The following NADSYN1 variants were observed in gnomAD, a reference collection of about 807,000 sequenced individuals.
NADSYN1 encodes the protein NAD synthetase 1, also known as glutamine-dependent NAD(+) synthetase.
NADSYN1 carries 80 observed loss-of-function variants against 99.3 expected under a neutral mutation model. The ratio of observed to expected loss-of-function variants is 0.81; its 90% CI spans 0.67 to 0.97. The LOEUF is 0.97. Among genes scored for constraint, NADSYN1 ranks in the 50% least tolerant of loss-of-function variants. The probability of loss-of-function intolerance (pLI) is 0.00; values close to 1 mark genes in which losing one functional copy is unlikely to be tolerated. For missense variants in NADSYN1, 859 were observed against 948.5 expected (o/e 0.91, Z 1.24); for synonymous variants, 385 against 372.1 (o/e 1.03, Z -0.40).
Position 71,482,933 on chromosome 11 carries a change from TACTG to T in NADSYN1, c.1238_1241del (p.Leu413ProfsTer38). 1 of 1,612,910 alleles carries T rather than the reference TACTG, an allele frequency of 6.2e-7. No individual in the cohort carries two copies. Among genetic ancestry groups the T allele is most frequent in the East Asian group, 2.2e-5 (1 of 44,850 alleles). Reference sequence around the variant, plus strand: ...GATCCCCGAGACCTCTGTGGACGCATACTGACCACCTGCTACATGGCCAGCAAGA... The same window carrying T: ...GATCCCCGAGACCTCTGTGGACGCATACCACCTGCTACATGGCCAGCAAGA... On this transcript the variant is annotated frameshift_variant, in exon 14 of 21. Coordinates refer to ENST00000319023, the MANE Select transcript of NADSYN1 (RefSeq NM_018161.5). LOFTEE classifies it high-confidence loss of function.
At chr11:71,477,268 C>T in intron 9 of NADSYN1, 1 of 1,239,756 alleles carries the variant, frequency 8.1e-7, no homozygotes, top group Non-Finnish European at 1.0e-6. Context: ...GAGCCACCTT[C>T]TCATGGAACG....
intron 5 of NADSYN1, among the ~76,000 whole-genome samples, chr11:71,468,205 T>C (rs1260247797): frequency 6.6e-6 from 1 of 152,252 alleles, no homozygotes; most frequent in Non-Finnish European, 1.5e-5. Context: ...GTGGAAATTC[T>C]GAACATGTAC....
rs565887796 is a variant in NADSYN1, at chr11:71,467,313, G to A, written c.407+3171G>A. The stretch of plus-strand genomic sequence containing the variant: ...AGGCGCTGGGCACAGGCAAACAGAC[G>A]TCTCTCTGGAGAAATTCACCTTCAA... On this transcript the variant is annotated intron_variant, in intron 5 of 20. Coordinates refer to ENST00000319023, the MANE Select transcript of NADSYN1 (RefSeq NM_018161.5). 3.9e-5 allele frequency among the ~76,000 whole-genome samples: 6 copies of A among 152,252 alleles called. No individual in the cohort carries two copies. The South Asian group carries it at 6.2e-4, about 16-fold the overall frequency.
At chr11:71,481,260 TG>T in intron 11 of NADSYN1, 95 bp from the exon 12 acceptor site, 2 of 1,274,046 alleles carry the variant, frequency 1.6e-6, no homozygotes, top group South Asian at 1.2e-5. Flanking sequence ...GCGTTGACTC[TG>T]GCACTGCAGC....
intron 16 of NADSYN1, among the ~76,000 whole-genome samples, chr11:71,489,269 C>A (rs1299414337): frequency 6.6e-6 from 1 of 152,028 alleles, no homozygotes; most frequent in African/African-American, 2.4e-5. Context: ...AATTTATGGC[C>A]ACACTTGTTG....
Position 71,477,277 on chromosome 11 carries a change from C to T in NADSYN1, c.799-1118C>T, listed in dbSNP as rs115723980. 5,237 of 1,246,742 alleles carry T rather than the reference C, an allele frequency of 4.2e-3. 166 individuals are homozygous for T. In the African/African-American group the frequency reaches 0.072, roughly 17 times the overall value. 77.2% of individuals were successfully genotyped at this position (1,246,742 alleles called of 1,614,324 possible). A position where few individuals can be genotyped will look rare whatever the true frequency, so the allele number is the denominator to read the frequency against. Reference sequence around the variant, plus strand: ...GGGATGGAGCCACCTTCTCATGGAACGATCCTCGCCTTCCCTCATCTCCAT... The same window carrying T: ...GGGATGGAGCCACCTTCTCATGGAATGATCCTCGCCTTCCCTCATCTCCAT... On this transcript the variant is annotated intron_variant, in intron 9 of 20. Transcript: ENST00000319023.
intron 2 of NADSYN1, among the ~76,000 whole-genome samples, chr11:71,457,245 A>G (rs1420306866): frequency 1.3e-5 from 2 of 152,278 alleles, no homozygotes; most frequent in African/African-American, 4.8e-5. Flanking sequence ...CTACTGGGAC[A>G]TCTCCTGGAT....
Position 71,484,329 on chromosome 11 carries a change from A to T in NADSYN1, c.1337A>T (p.Asn446Ile). 1 of 1,614,050 alleles carries T rather than the reference A, an allele frequency of 6.2e-7. No homozygotes were observed. Reference protein sequence around the residue: ...QQIGSHHISLNIDPAVKAVMG... With the variant: ...QQIGSHHISLIIDPAVKAVMG... Reference sequence around the variant, plus strand: ...CCTTCCAGCCACCACATCAGTCTCAACATCGATCCAGCCGTGAAGGCCGTC... The same window carrying T: ...CCTTCCAGCCACCACATCAGTCTCATCATCGATCCAGCCGTGAAGGCCGTC... Residue 446 changes from asparagine (N) to isoleucine (I), a missense_variant, in exon 15 of 21, where the codon AAC becomes ATC. Coordinates refer to ENST00000319023, the MANE Select transcript of NADSYN1 (RefSeq NM_018161.5).
At chr11:71,475,789 G>A (rs373439538) in intron 9 of NADSYN1, among the ~76,000 whole-genome samples, 5 of 152,042 alleles carry the variant, frequency 3.3e-5, no homozygotes, top group African/African-American at 9.7e-5. Flanking sequence ...ATCTTGGCTC[G>A]CTGCAACCTC....
chr11:71,487,830 CAAAAAAAA>C (rs71049984), intron 16 of NADSYN1, among the ~76,000 whole-genome samples: 26 of 80,098 alleles, frequency 3.2e-4, no homozygotes, highest in Admixed American at 6.4e-4. Flanking sequence ...GACTCCGTCT[CAAAAAAAA>C]AAAAAAAAAA....
chr11:71,500,516 C>T (rs532226718), intron 20 of NADSYN1, among the ~76,000 whole-genome samples: 7 of 152,268 alleles, frequency 4.6e-5, no homozygotes, highest in Admixed American at 1.3e-4. Context: ...CAGGATGGGC[C>T]CCTCCCAACC....
chr11:71,455,137 C>A lies in NADSYN1; in HGVS notation c.113C>A (p.Ala38Glu). 1.2e-6 allele frequency: 2 copies of A among 1,613,996 alleles called. No individual in the cohort carries two copies. The highest frequency in any genetic ancestry group is 2.2e-5 in the South Asian group (2 of 91,072). ...KSIEIAKNRG[A>E]RYRLGPELEI... ...ATTGAAATTGCCAAAAACAGAGGAGCAAGATACAGGCTTGGACCAGAGCTG... is the reference window on the plus strand; with the variant it reads ...ATTGAAATTGCCAAAAACAGAGGAGAAAGATACAGGCTTGGACCAGAGCTG... The change falls in exon 2 of 21, where the codon GCA becomes GAA. Residue 38 changes from alanine (A) to glutamate (E), a missense_variant. By Grantham distance (107) the Ala-to-Glu change is moderately radical. Coordinates refer to ENST00000319023, the MANE Select transcript of NADSYN1 (RefSeq NM_018161.5).
intron 9 of NADSYN1, chr11:71,476,389 G>C (rs1348365577): frequency 3.0e-6 from 1 of 331,772 alleles, no homozygotes; most frequent in Non-Finnish European, 5.9e-6. Context: ...GCAGTTCATT[G>C]CTTTGCTCCC....
At chr11:71,476,606 A>G (rs924895376) in intron 9 of NADSYN1, 13 of 973,090 alleles carry the variant, frequency 1.3e-5, no homozygotes, top group Non-Finnish European at 1.6e-5. Flanking sequence ...TGCTTTCCAC[A>G]TGACAGTGTC....
intron 2 of NADSYN1, among the ~76,000 whole-genome samples, chr11:71,458,162 G>A (rs184551933): frequency 1.1e-4 from 16 of 152,312 alleles, no homozygotes; most frequent in East Asian, 3.9e-4. Context: ...ACCCAAGGGC[G>A]GGCACTTCCT....
At position 71,488,141 on chromosome 11, in the gene NADSYN1, C is replaced by T. The variant is rs186258761; in HGVS notation, c.1562+2493C>T. Among the ~76,000 whole-genome samples, 50 of 152,252 alleles carry T rather than the reference C, an allele frequency of 3.3e-4. 2 individuals are homozygous for T. In the Middle Eastern group the frequency reaches 0.02, roughly 62 times the overall value. On this transcript the variant is annotated intron_variant, in intron 16 of 20. Coordinates refer to ENST00000319023, the MANE Select transcript of NADSYN1 (RefSeq NM_018161.5). ...TTCTGATTCTAGTTCAGTCGCATCC[C>T]TGTCTGCTCATCAGGGGCCTGTTGG...
intron 15 of NADSYN1, chr11:71,484,788 T>C (rs950524972): frequency 1.2e-4 from 35 of 297,938 alleles, no homozygotes; most frequent in African/African-American, 7.2e-4. Flanking sequence ...AGTGTGAGCC[T>C]GAGCGTGAGA....
intron 3 of NADSYN1, among the ~76,000 whole-genome samples, chr11:71,462,105 C>T (rs1949554608): frequency 6.6e-6 from 1 of 152,186 alleles, no homozygotes; most frequent in Non-Finnish European, 1.5e-5. Flanking sequence ...CTCAGAGGGG[C>T]CCTCCAAGGT....
chr11:71,488,531 G>A (rs559668058), intron 16 of NADSYN1, among the ~76,000 whole-genome samples: 1 of 152,256 alleles, frequency 6.6e-6, no homozygotes, highest in East Asian at 1.9e-4. Context: ...GAAAGTGTGC[G>A]GCGTGTCGGG....
Sources: gnomAD v4.1 joint callset for allele counts (sites outside exome capture counted in the v4.1 genomes callset) on GRCh38, gnomAD v4.1.1 for gene constraint, MANE v1.5 for transcripts, NCBI Gene and HGNC (gene_info 2026-07-23, HGNC 2026-07-21) for gene names.